Variants in SENP1 observed in about 807,000 individuals in gnomAD.
SENP1 encodes the protein SUMO specific peptidase 1, also known as sentrin-specific protease 1.
Under a neutral mutation model 93.0 loss-of-function variants are expected in SENP1, and 21 were observed. The ratio of observed to expected loss-of-function variants is 0.23; its 90% CI spans 0.16 to 0.33. The LOEUF (loss-of-function observed/expected upper bound fraction) is 0.33. Ranked by LOEUF, SENP1 falls within the 10% of genes least tolerant of loss-of-function variation. The pLI is 1.00. For missense variants in SENP1, 591 were observed against 758.7 expected (o/e 0.78, Z 2.60); for synonymous variants, 256 against 259.6 (o/e 0.99, Z 0.13).
intron 13 of SENP1, among the ~76,000 whole-genome samples, chr12:48,054,118 G>A (rs895192316): frequency 6.6e-6 from 1 of 152,160 alleles, no homozygotes; most frequent in African/African-American, 2.4e-5. Flanking sequence ...TGTTCCTGGT[G>A]TACAAACATT....
At chr12:48,074,632 A>C (rs1943935669) in intron 7 of SENP1, 25 bp from the exon 8 acceptor site, 1 of 1,606,978 alleles carries the variant, frequency 6.2e-7, no homozygotes, top group Admixed American at 1.7e-5. Flanking sequence ...ATATTGTTTC[A>C]ATATCAAGTA....
intron 4 of SENP1, 194 bp from the exon 5 acceptor site, chr12:48,089,154 C>T (rs746717512): frequency 9.6e-6 from 15 of 1,561,946 alleles, no homozygotes; most frequent in Non-Finnish European, 1.3e-5. Flanking sequence ...TTGATTCAGC[C>T]ATACTAACCT....
Position 48,053,179 on chromosome 12 carries a change from T to G in SENP1, c.1408-4047A>C, listed in dbSNP as rs147182408. On this transcript the variant is annotated intron_variant, in intron 13 of 17. Transcript: ENST00000549518. ...CATCAAAAATATATATTCTGAAAGT[T>G]AGAATGCTAGACAAAGCTGGGTGTG... 2.3e-4 allele frequency among the ~76,000 whole-genome samples: 35 copies of G among 152,206 alleles called. No individual in the cohort carries two copies. In the East Asian group the frequency reaches 6.8e-3, roughly 29 times the overall value.
chr12:48,100,644 A>G (rs1945859600), intron 2 of SENP1, among the ~76,000 whole-genome samples: 1 of 151,982 alleles, frequency 6.6e-6, no homozygotes, highest in African/African-American at 2.4e-5. Flanking sequence ...CAAAAGAAAA[A>G]AGAGAAAAAA....
intron 8 of SENP1, among the ~76,000 whole-genome samples, chr12:48,073,247 A>G (rs1253056881): frequency 6.6e-6 from 1 of 151,368 alleles, no homozygotes; most frequent in Non-Finnish European, 1.5e-5. Flanking sequence ...AACACAATGT[A>G]TGTTTCTGAG....
In SENP1 at chr12:48,045,195, G is replaced by A; in HGVS notation, c.*127C>T. 1.4e-6 allele frequency: 1 copy of A among 713,842 alleles called. No individual in the cohort carries two copies. Among genetic ancestry groups the A allele is most frequent in the East Asian group, 2.7e-5 (1 of 37,006 alleles). The allele number at this position is 713,842 out of a possible 1,614,324, so 44.2% of individuals were successfully genotyped here. A position where few individuals can be genotyped will look rare whatever the true frequency, so the allele number is the denominator to read the frequency against. On this transcript the variant is annotated 3_prime_UTR_variant, in exon 18 of 18. Transcript: ENST00000549518. ...TGTGCTTGTGAATGCATCTCGCCAG[G>A]GCCTGGTCCAGGATCAAGGGTGTTA...
At chr12:48,065,286 G>T in intron 11 of SENP1, 66 bp from the exon 12 acceptor site, 1 of 1,272,152 alleles carries the variant, frequency 7.9e-7, no homozygotes, top group Non-Finnish European at 1.1e-6. Flanking sequence ...ATTTATGATA[G>T]GGTTATGTCC....
At chr12:48,073,001 A>G (rs1225896928) in intron 8 of SENP1, among the ~76,000 whole-genome samples, 2 of 152,010 alleles carry the variant, frequency 1.3e-5, no homozygotes, top group African/African-American at 2.4e-5. Context: ...AGAAACTGGA[A>G]GAAGGAGGGA....
At chr12:48,060,636 G>A (rs937696804) in intron 13 of SENP1, among the ~76,000 whole-genome samples, 6 of 152,148 alleles carry the variant, frequency 3.9e-5, no homozygotes, top group Admixed American at 2.0e-4. Context: ...CTGTAGTAGA[G>A]TGCAGTTGCA....
chr12:48,046,179 T>C (rs906735856), intron 17 of SENP1, among the ~76,000 whole-genome samples, 177 bp downstream of exon 17: 2 of 152,178 alleles, frequency 1.3e-5, no homozygotes, highest in Non-Finnish European at 2.9e-5. Context: ...TTATCACTAA[T>C]TTTCTTTCTT....
At chr12:48,066,824 T>C in intron 10 of SENP1, 103 bp downstream of exon 10, 1 of 977,960 alleles carries the variant, frequency 1.0e-6, no homozygotes, top group African/African-American at 1.6e-5. Flanking sequence ...AACAGGTACT[T>C]CTTATTGGCA....
At chr12:48,102,458 A>C (rs1946014421) in intron 1 of SENP1, among the ~76,000 whole-genome samples, 2 of 149,298 alleles carry the variant, frequency 1.3e-5, no homozygotes, top group South Asian at 4.3e-4. Flanking sequence ...AAAAAAACCA[A>C]ACACAAAAAC....
chr12:48,089,195 C>A, intron 4 of SENP1: 1 of 1,503,760 alleles, frequency 6.6e-7, no homozygotes. Flanking sequence ...AATCCTGCCA[C>A]AGCCATGTGC....
rs112000742 is a variant in SENP1, at chr12:48,085,106, C to T, written c.381-1344G>A. The T allele has an allele frequency of 4.0e-5, 55 of 1,383,924 alleles. No individual in the cohort carries two copies. In the African/African-American group the frequency reaches 6.0e-4, roughly 15 times the overall value. The allele number at this position is 1,383,924 out of a possible 1,614,324, so 85.7% of individuals were successfully genotyped here. A position where few individuals can be genotyped will look rare whatever the true frequency, so the allele number is the denominator to read the frequency against. Reference sequence around the variant, plus strand: ...TCATCGCAGTGATCAGAGACAAGGACACGGTGACTGGTTTCCTGCTGGGCA... The same window carrying T: ...TCATCGCAGTGATCAGAGACAAGGATACGGTGACTGGTTTCCTGCTGGGCA... On this transcript the variant is annotated intron_variant, in intron 5 of 17. Transcript: ENST00000549518.
At chr12:48,072,660 CCTTT>C (rs764412121) in intron 8 of SENP1, among the ~76,000 whole-genome samples, 8 of 152,024 alleles carry the variant, frequency 5.3e-5, no homozygotes, top group East Asian at 1.9e-4. Flanking sequence ...AACACTACTT[CCTTT>C]AAGTGAAAAG....
chr12:48,101,516 C>T lies in SENP1; in HGVS notation c.-44G>A. Reference sequence around the variant, plus strand: ...ACTGACTTTAGCAAAGATACAAAGTCCTATAAAAGAAGACACAAAACAGAA... The same window carrying T: ...ACTGACTTTAGCAAAGATACAAAGTTCTATAAAAGAAGACACAAAACAGAA... On this transcript the variant is annotated splice_region_variant and 5_prime_UTR_variant, in exon 2 of 18. Coordinates refer to ENST00000549518, the MANE Select transcript of SENP1 (RefSeq NM_001267594.2). 1 of 1,561,198 alleles carries T rather than the reference C, an allele frequency of 6.4e-7. No individual in the cohort carries two copies. Among genetic ancestry groups the T allele is most frequent in the Non-Finnish European group, 8.7e-7 (1 of 1,143,646 alleles).
intron 5 of SENP1, among the ~76,000 whole-genome samples, chr12:48,084,159 G>A (rs1198625909): frequency 6.6e-6 from 1 of 152,166 alleles, no homozygotes; most frequent in Admixed American, 6.5e-5. Flanking sequence ...TACCCAGCCT[G>A]TTGGAGGAAA....
At chr12:48,092,741 T>C (rs370155351) in intron 4 of SENP1, among the ~76,000 whole-genome samples, 1 of 152,328 alleles carries the variant, frequency 6.6e-6, no homozygotes, top group African/African-American at 2.4e-5. Flanking sequence ...TGTAAGACTG[T>C]TGATATGGGA....
At chr12:48,088,351 G>A (rs1365474764) in intron 5 of SENP1, among the ~76,000 whole-genome samples, 10 of 152,098 alleles carry the variant, frequency 6.6e-5, no homozygotes, top group African/African-American at 7.2e-5. Context: ...CACCGTGCCC[G>A]GTCTGTGACT....
Sources: gnomAD v4.1 joint callset for allele counts (sites outside exome capture counted in the v4.1 genomes callset) on GRCh38, gnomAD v4.1.1 for gene constraint, MANE v1.5 for transcripts, NCBI Gene and HGNC (gene_info 2026-07-23, HGNC 2026-07-21) for gene names.